BMPR1B: variants seen among roughly 807,000 people sequenced by gnomAD.
The protein encoded by BMPR1B is bone morphogenetic protein receptor type 1B, also known as bone morphogenetic protein receptor type-1B.
A neutral mutation model predicts 59.1 loss-of-function variants in BMPR1B; 12 were observed. The observed-to-expected ratio is 0.20, with a 90% confidence interval of 0.13 to 0.33. BMPR1B has a LOEUF of 0.33. BMPR1B is among the 10% of genes least tolerant of loss of function. The pLI, the probability that BMPR1B is intolerant of heterozygous loss-of-function variation, is 1.00. For synonymous variants in BMPR1B, 237 were observed against 207.3 expected, an observed-to-expected ratio of 1.14 and a Z score of -1.23; for missense variants, 550 against 610.9, an observed-to-expected ratio of 0.90 and a Z score of 1.05.
At chr4:95,073,621 C>T (rs1387659812) in intron 3 of BMPR1B, among the ~76,000 whole-genome samples, 1 of 152,028 alleles carries the variant, frequency 6.6e-6, no homozygotes, top group Admixed American at 6.6e-5. Context: ...AGAGATGATA[C>T]TCTGGATAAC....
At chr4:94,786,688 A>G (rs942998972) in intron 1 of BMPR1B, among the ~76,000 whole-genome samples, 6 of 150,824 alleles carry the variant, frequency 4.0e-5, no homozygotes, top group Non-Finnish European at 7.4e-5. Flanking sequence ...ACAGGCACCC[A>G]CCACCATGCC....
chr4:94,829,356 C>T (rs1328657438), intron 1 of BMPR1B, among the ~76,000 whole-genome samples: 2 of 143,790 alleles, frequency 1.4e-5, no homozygotes, highest in Non-Finnish European at 3.0e-5. Flanking sequence ...GACACTGCAG[C>T]TTCGACCTCC....
intron 1 of BMPR1B, among the ~76,000 whole-genome samples, chr4:94,835,192 T>A (rs1254766944): frequency 1.3e-5 from 2 of 152,010 alleles, no homozygotes; most frequent in Non-Finnish European, 2.9e-5. Context: ...AATTAATATT[T>A]ACTGATTTAT....
intron 1 of BMPR1B, among the ~76,000 whole-genome samples, chr4:94,766,413 T>C (rs964604980): frequency 7.9e-5 from 12 of 151,610 alleles, no homozygotes; most frequent in African/African-American, 2.7e-4. Context: ...CTGTCTTTTT[T>C]TTTTTTTTTT....
At chr4:95,060,358 T>C (rs906283128) in intron 3 of BMPR1B, among the ~76,000 whole-genome samples, 4 of 152,212 alleles carry the variant, frequency 2.6e-5, no homozygotes, top group African/African-American at 9.6e-5. Context: ...CAGACTTTGT[T>C]TCAAAAGTAA....
intron 3 of BMPR1B, among the ~76,000 whole-genome samples, chr4:95,032,190 G>T (rs1578961387): frequency 2.0e-5 from 3 of 152,146 alleles, no homozygotes; most frequent in Admixed American, 2.0e-4. Context: ...CCTGGTCCTG[G>T]TGAGCTCCTG....
At position 94,789,274 on chromosome 4, in the gene BMPR1B, C is replaced by T. The variant is rs150088062; in HGVS notation, c.-183+31206C>T. The stretch of plus-strand genomic sequence containing the variant: ...TTTCACCTTTACAATTTGCTTTAAA[C>T]GCTGAACGACTGTGGAATGGTCAAC... On this transcript the variant is annotated intron_variant, in intron 1 of 12. Coordinates refer to ENST00000515059, the MANE Select transcript of BMPR1B (RefSeq NM_001203.3). 4.8e-3 allele frequency among the ~76,000 whole-genome samples: 730 copies of T among 152,320 alleles called. 3 individuals carry two copies. The highest frequency in any genetic ancestry group is 0.01 in the Middle Eastern group (3 of 294).
chr4:95,051,891 T>C, intron 3 of BMPR1B: 1 of 919,336 alleles, frequency 1.1e-6, no homozygotes, highest in Non-Finnish European at 1.6e-6. Context: ...TAAAGTTCCA[T>C]CCCCCATTCT....
At chr4:94,789,803 T>TA (rs70946547) in intron 1 of BMPR1B, among the ~76,000 whole-genome samples, 1 of 151,862 alleles carries the variant, frequency 6.6e-6, no homozygotes, top group Admixed American at 6.6e-5. Flanking sequence ...ATATAGCTTA[T>TA]AAAAAATATA....
chr4:95,103,121 A>C (rs1730945470), intron 3 of BMPR1B, among the ~76,000 whole-genome samples: 1 of 152,102 alleles, frequency 6.6e-6, no homozygotes. Flanking sequence ...AATAGAGAGA[A>C]AATTCTGATA....
At chr4:94,994,436 T>A (rs1721934141) in intron 2 of BMPR1B, among the ~76,000 whole-genome samples, 1 of 152,224 alleles carries the variant, frequency 6.6e-6, no homozygotes, top group Non-Finnish European at 1.5e-5. Context: ...ACCTCTTGGC[T>A]CAGATGCTCA....
chr4:94,975,054 A>G (rs573850353), intron 2 of BMPR1B, among the ~76,000 whole-genome samples: 1 of 152,326 alleles, frequency 6.6e-6, no homozygotes, highest in South Asian at 2.1e-4. Context: ...ACAAGGACGA[A>G]ACTTCCAGTT....
At chr4:95,018,221 A>G (rs1465282801) in intron 3 of BMPR1B, among the ~76,000 whole-genome samples, 2 of 152,214 alleles carry the variant, frequency 1.3e-5, no homozygotes, top group South Asian at 2.1e-4. Context: ...GCATTTTACA[A>G]TACTGTTCTT....
intron 2 of BMPR1B, among the ~76,000 whole-genome samples, chr4:94,920,969 T>C (rs1218961713): frequency 6.6e-6 from 1 of 152,202 alleles, no homozygotes; most frequent in Non-Finnish European, 1.5e-5. Flanking sequence ...TATGCTTATC[T>C]TTTTTCTTCC....
intron 3 of BMPR1B, among the ~76,000 whole-genome samples, chr4:95,013,614 T>C (rs1235612636): frequency 1.3e-5 from 2 of 152,130 alleles, no homozygotes; most frequent in African/African-American, 2.4e-5. Flanking sequence ...TTAGAAAACG[T>C]AAACTTTCGG....
intron 1 of BMPR1B, among the ~76,000 whole-genome samples, chr4:94,817,363 A>C (rs1462472739): frequency 6.6e-6 from 1 of 152,200 alleles, no homozygotes; most frequent in African/African-American, 2.4e-5. Context: ...AAATCTCTAG[A>C]AAATTTGTTT....
intron 2 of BMPR1B, among the ~76,000 whole-genome samples, chr4:94,908,361 T>C (rs1295426441): frequency 1.3e-5 from 2 of 151,874 alleles, no homozygotes; most frequent in Non-Finnish European, 2.9e-5. Flanking sequence ...ATTCATTCAG[T>C]AAGCATTGTT....
chr4:95,128,354 G>C (rs1733055244), intron 8 of BMPR1B, among the ~76,000 whole-genome samples: 1 of 152,148 alleles, frequency 6.6e-6, no homozygotes, highest in Admixed American at 6.5e-5. Flanking sequence ...TCTCTACAAA[G>C]AATACGTTCC....
chr4:95,105,561 T>A (rs1273010633), intron 4 of BMPR1B, among the ~76,000 whole-genome samples: 6 of 152,054 alleles, frequency 3.9e-5, no homozygotes, highest in African/African-American at 1.4e-4. Context: ...TACCAGGGTA[T>A]TCCAAGAACC....
Sources: allele counts gnomAD v4.1 joint callset (sites outside exome capture counted in the v4.1 genomes callset), GRCh38; gene constraint gnomAD v4.1.1; transcripts MANE v1.5; gene names NCBI Gene and HGNC (gene_info 2026-07-23, HGNC 2026-07-21).